Variants in ECT2 observed in about 807,000 individuals in gnomAD.
ECT2 encodes epithelial cell transforming 2.
A neutral mutation model predicts 116.9 loss-of-function variants in ECT2; 61 were observed. The ratio of observed to expected loss-of-function variants is 0.52; its 90% CI spans 0.42 to 0.65. The LOEUF (loss-of-function observed/expected upper bound fraction) is 0.65. Among genes scored for constraint, ECT2 ranks in the 30% least tolerant of loss-of-function variants. ECT2 has a pLI of 0.00. For synonymous variants in ECT2, 358 were observed against 346.4 expected, an observed-to-expected ratio of 1.03 and a Z score of -0.37; for missense variants, 937 against 1,078.7, an observed-to-expected ratio of 0.87 and a Z score of 1.84.
Position 172,794,072 on chromosome 3 carries a change from T to C in ECT2, c.1907+7498T>C, listed in dbSNP as rs545721073. The stretch of plus-strand genomic sequence containing the variant: ...GGCTTGTTTTTTTCTTTTGACAATT[T>C]CTTGAAAAAATAAGAGTTCTAGATT... On this transcript the variant is annotated intron_variant, in intron 18 of 24. Transcript: ENST00000392692. Among the ~76,000 whole-genome samples the C allele has an allele frequency of 3.9e-5, 6 of 152,254 alleles. No homozygotes were observed. The East Asian group carries it at 1.2e-3, about 29-fold the overall frequency.
chr3:172,779,722 A>G (rs958782793), intron 14 of ECT2, among the ~76,000 whole-genome samples: 15 of 152,106 alleles, frequency 9.9e-5, no homozygotes, highest in African/African-American at 3.6e-4. Context: ...CCTGGTCAAC[A>G]TAGTGAGAAC....
In ECT2 at chr3:172,794,005, A is replaced by T. The variant is rs189610885; in HGVS notation, c.1907+7431A>T. The stretch of plus-strand genomic sequence containing the variant: ...ATATTCGAGTTAAAAGGCTTTTTTT[A>T]AAAAAAGATATATGATTTGCAAATA... On this transcript the variant is annotated intron_variant, in intron 18 of 24. Coordinates refer to ENST00000392692, the MANE Select transcript of ECT2 (RefSeq NM_001258315.2). Among the ~76,000 whole-genome samples the T allele has an allele frequency of 7.3e-3, 1,115 of 152,040 alleles. 14 individuals carry two copies. Among genetic ancestry groups the T allele is most frequent in the African/African-American group, 0.025 (1,035 of 41,490 alleles).
rs1394548459 is a variant in ECT2, at chr3:172,762,779, A to C, written c.978A>C (p.Ser326=). Residue 326 remains serine, a synonymous_variant, in exon 10 of 25, where the codon TCA becomes TCC. Coordinates refer to ENST00000392692, the MANE Select transcript of ECT2 (RefSeq NM_001258315.2). ...TAAAAGATCTTCCCTTTGAACCTTC[A>C]AAGAAACTTTATGTTGTCAAGCAAG... The part of the protein sequence containing the change: ...NIVKDLPFEP[S]KKLYVVKQEW... 6.2e-7 allele frequency: 1 copy of C among 1,612,944 alleles called. No homozygotes were observed. Among genetic ancestry groups the C allele is most frequent in the Admixed American group, 1.7e-5 (1 of 59,836 alleles).
downstream of ECT2, among the ~76,000 whole-genome samples, chr3:172,826,051 G>A (rs577324993): frequency 8.5e-5 from 13 of 152,172 alleles, no homozygotes; most frequent in South Asian, 2.7e-3. Flanking sequence ...GCCCCGCCAC[G>A]CCCTGCTAAT....
At chr3:172,780,666 T>C (rs1243007360) in intron 14 of ECT2, among the ~76,000 whole-genome samples, 1 of 152,194 alleles carries the variant, frequency 6.6e-6, no homozygotes, top group Non-Finnish European at 1.5e-5. Flanking sequence ...CAGTTGTTAT[T>C]TTCACCAGTA....
At chr3:172,782,119 G>A in intron 14 of ECT2, 44 bp from the exon 15 acceptor site, 3 of 1,170,270 alleles carry the variant, frequency 2.6e-6, no homozygotes, top group South Asian at 1.7e-5. Flanking sequence ...TGTATAAGGA[G>A]CTGTCAGGTT....
At chr3:172,806,894 C>T (rs538939502) in intron 21 of ECT2, among the ~76,000 whole-genome samples, 6 of 152,100 alleles carry the variant, frequency 3.9e-5, no homozygotes, top group Admixed American at 6.5e-5. Flanking sequence ...CCACCCACTT[C>T]GGCCTCCCAA....
chr3:172,773,809 CTA>C, intron 13 of ECT2, 92 bp from the exon 14 acceptor site: 3 of 1,251,426 alleles, frequency 2.4e-6, no homozygotes. Context: ...ACTTCCTTCT[CTA>C]TTAATATCTT....
intron 19 of ECT2, 44 bp from the exon 20 acceptor site, chr3:172,802,817 T>G (rs1275475334): frequency 6.3e-7 from 1 of 1,575,644 alleles, no homozygotes; most frequent in Admixed American, 1.9e-5. Context: ...TAAAAATTAC[T>G]TGATACCAAG....
At chr3:172,789,191 G>A (rs1431736835) in intron 18 of ECT2, among the ~76,000 whole-genome samples, 1 of 150,940 alleles carries the variant, frequency 6.6e-6, no homozygotes, top group Non-Finnish European at 1.5e-5. Context: ...GGATGGCTGT[G>A]GTAATTGCTT....
intron 15 of ECT2, among the ~76,000 whole-genome samples, chr3:172,783,131 A>G (rs1019831747): frequency 2.0e-5 from 3 of 152,208 alleles, no homozygotes; most frequent in East Asian, 1.9e-4. Context: ...CTTAAGTTTT[A>G]TAAATTCATT....
In ECT2 at chr3:172,766,529, T is replaced by G. The variant is rs1001511019; in HGVS notation, c.1291+2029T>G. ...TACAATCGCTTCGGCCATGAAATAA[T>G]AAGGTGCTGAACCAGAGTATGTGGT... On this transcript the variant is annotated intron_variant, in intron 12 of 24. Transcript: ENST00000392692. Among the ~76,000 whole-genome samples, 3 of 152,118 alleles carry G rather than the reference T, an allele frequency of 2.0e-5. 1 individual carries two copies. The South Asian group carries it at 6.2e-4, about 32-fold the overall frequency.
At position 172,762,774 on chromosome 3, in the gene ECT2, C is replaced by G. The variant is rs1015823294; in HGVS notation, c.973C>G (p.Pro325Ala). The change falls in exon 10 of 25, where the codon CCT (proline) becomes GCT (alanine). Residue 325 changes from proline to alanine, a missense_variant. Coordinates refer to ENST00000392692, the MANE Select transcript of ECT2 (RefSeq NM_001258315.2). ...TATAGTAAAAGATCTTCCCTTTGAACCTTCAAAGAAACTTTATGTTGTCAA... is the reference window on the plus strand; with the variant it reads ...TATAGTAAAAGATCTTCCCTTTGAAGCTTCAAAGAAACTTTATGTTGTCAA... ...ENIVKDLPFE[P>A]SKKLYVVKQE... is the part of the protein sequence containing the mutation. 1 of 1,612,672 alleles carries G rather than the reference C, an allele frequency of 6.2e-7. No individual in the cohort carries two copies. The highest frequency in any genetic ancestry group is 8.5e-7 in the Non-Finnish European group (1 of 1,179,466).
At chr3:172,758,017 C>T (rs1169271296) in intron 5 of ECT2, among the ~76,000 whole-genome samples, 2 of 152,038 alleles carry the variant, frequency 1.3e-5, no homozygotes, top group African/African-American at 4.8e-5. Context: ...GCCACCACGC[C>T]TGGCTAAGTT....
In ECT2 at chr3:172,774,031, GTA is replaced by G. The variant is rs762167262; in HGVS notation, c.1548+13_1548+14del. 5 of 1,607,560 alleles carry G rather than the reference GTA, an allele frequency of 3.1e-6. No homozygotes were observed. Among genetic ancestry groups the G allele is most frequent in the South Asian group, 2.2e-5 (2 of 90,508 alleles). On this transcript the variant is annotated intron_variant, in intron 14 of 24. Coordinates refer to ENST00000392692, the MANE Select transcript of ECT2 (RefSeq NM_001258315.2). ...TACACACTAAGATAAAGGTAAATTT[GTA>G]TATGTTAGATTGGTAGTAATTTTTT... is the stretch of plus-strand genomic sequence containing the variant.
chr3:172,798,017 G>A (rs1393679269), intron 18 of ECT2, among the ~76,000 whole-genome samples: 1 of 151,976 alleles, frequency 6.6e-6, no homozygotes, highest in African/African-American at 2.4e-5. Context: ...AAATCAAATC[G>A]TTTTAGTCTT....
chr3:172,771,378 A>G (rs1405769287), intron 13 of ECT2: 2 of 152,206 alleles, frequency 1.3e-5, no homozygotes, highest in Non-Finnish European at 1.5e-5. Flanking sequence ...TTACTATTAT[A>G]AAATCAAAAC....
intron 18 of ECT2, among the ~76,000 whole-genome samples, chr3:172,795,052 CATTT>C (rs1336299225): frequency 6.6e-6 from 1 of 152,048 alleles, no homozygotes; most frequent in Non-Finnish European, 1.5e-5. Flanking sequence ...TGAATATTTC[CATTT>C]ATTTACTTTT....
At chr3:172,815,270 T>G (rs188096989) in intron 22 of ECT2, among the ~76,000 whole-genome samples, 3 of 152,316 alleles carry the variant, frequency 2.0e-5, no homozygotes, top group Non-Finnish European at 2.9e-5. Context: ...GAACAGTGTT[T>G]GTGGTATTGG....
Sources: allele counts gnomAD v4.1 joint callset (sites outside exome capture counted in the v4.1 genomes callset), GRCh38; gene constraint gnomAD v4.1.1; transcripts MANE v1.5; gene names NCBI Gene and HGNC (gene_info 2026-07-23, HGNC 2026-07-21).